The following PRKN variants were observed in gnomAD, a reference collection of about 807,000 sequenced individuals.
The protein encoded by PRKN is parkin RBR E3 ubiquitin protein ligase, also known as E3 ubiquitin-protein ligase parkin.
In PRKN, 56 loss-of-function variants were observed where a neutral mutation model predicts 59.5. That is an observed-to-expected ratio of 0.94 (90% CI 0.76 to 1.18). The LOEUF is 1.18. PRKN is among the 50% of genes most tolerant of loss of function. PRKN has a pLI of 0.00. For synonymous variants in PRKN, 250 were observed against 222.1 expected, an observed-to-expected ratio of 1.13 and a Z score of -1.12; for missense variants, 657 against 596.4, an observed-to-expected ratio of 1.10 and a Z score of -1.06.
intron 8 of PRKN, among the ~76,000 whole-genome samples, chr6:161,569,031 T>C (rs737715): frequency 0.05 from 7,584 of 152,152 alleles, 278 homozygotes; most frequent in South Asian, 0.16. Context: ...GGAATGTCTA[T>C]GACCATCGAT....
intron 1 of PRKN, among the ~76,000 whole-genome samples, chr6:162,691,496 A>G (rs1221383416): frequency 6.6e-6 from 1 of 152,150 alleles, no homozygotes; most frequent in Non-Finnish European, 1.5e-5. Context: ...CAATATTTAT[A>G]TGTACCTCCC....
intron 1 of PRKN, among the ~76,000 whole-genome samples, chr6:162,507,780 C>T (rs1177571863): frequency 6.6e-6 from 1 of 152,198 alleles, no homozygotes; most frequent in East Asian, 1.9e-4. Context: ...AAGATCACCT[C>T]TATCTACTTT....
chr6:161,866,594 A>C (rs1330239294), intron 6 of PRKN, among the ~76,000 whole-genome samples: 1 of 152,138 alleles, frequency 6.6e-6, no homozygotes, highest in East Asian at 1.9e-4. Context: ...AAGAAAAGAA[A>C]AGAAAATTAC....
chr6:162,369,825 CA>C (rs1341396701), intron 2 of PRKN, among the ~76,000 whole-genome samples: 1 of 152,056 alleles, frequency 6.6e-6, no homozygotes, highest in African/African-American at 2.4e-5. Flanking sequence ...TTTTGCATAG[CA>C]CTAAGGATGG....
intron 2 of PRKN, among the ~76,000 whole-genome samples, chr6:162,300,433 A>T (rs952900437): frequency 6.6e-6 from 1 of 152,160 alleles, no homozygotes; most frequent in African/African-American, 2.4e-5. Context: ...AAAAGAGAAG[A>T]TCATGCAAAA....
intron 6 of PRKN, among the ~76,000 whole-genome samples, chr6:161,940,217 T>C (rs1296530268): frequency 6.6e-6 from 1 of 151,762 alleles, no homozygotes; most frequent in African/African-American, 2.4e-5. Context: ...TCTTAGGCCA[T>C]GCTTGCTGAA....
At chr6:162,708,290 AG>A (rs1778406859) in intron 1 of PRKN, among the ~76,000 whole-genome samples, 1 of 152,240 alleles carries the variant, frequency 6.6e-6, no homozygotes, top group Admixed American at 6.5e-5. Flanking sequence ...CATATATGCT[AG>A]GAACTTACAG....
intron 2 of PRKN, among the ~76,000 whole-genome samples, chr6:162,402,704 G>A (rs1787860218): frequency 6.6e-6 from 1 of 150,674 alleles, no homozygotes; most frequent in Non-Finnish European, 1.5e-5. Context: ...TGCACAAGCT[G>A]GAGTACAGTG....
At chr6:162,334,218 A>G (rs1783724984) in intron 2 of PRKN, among the ~76,000 whole-genome samples, 2 of 152,372 alleles carry the variant, frequency 1.3e-5, no homozygotes, top group East Asian at 3.9e-4. Context: ...GCATCTAGCT[A>G]AGATTGGATA....
chr6:161,596,492 G>T (rs909394551), intron 7 of PRKN, among the ~76,000 whole-genome samples: 2 of 151,966 alleles, frequency 1.3e-5, no homozygotes, highest in African/African-American at 4.8e-5. Flanking sequence ...TTCCAACTTT[G>T]GTTTGCTATT....
chr6:161,369,349 C>T lies in PRKN; in HGVS notation c.1168-9144G>A, dbSNP rs1390503586. Among the ~76,000 whole-genome samples the T allele has an allele frequency of 6.6e-6, 1 of 152,082 alleles. No homozygotes were observed. Among genetic ancestry groups the T allele is most frequent in the African/African-American group, 2.4e-5 (1 of 41,418 alleles). The stretch of plus-strand genomic sequence containing the variant: ...AGAAATTAGAATCCCTAAAAATGCC[C>T]TAAGGGGTTGCGAGGGGCGGGAGGT... On this transcript the variant is annotated intron_variant, in intron 10 of 11. Coordinates refer to ENST00000366898, the MANE Select transcript of PRKN (RefSeq NM_004562.3). The surrounding 1 kb of genome is among the most constrained non-coding windows in gnomAD (Gnocchi z 5.8).
At chr6:162,021,197 A>T (rs1189769151) in intron 5 of PRKN, among the ~76,000 whole-genome samples, 2 of 111,380 alleles carry the variant, frequency 1.8e-5, no homozygotes, top group African/African-American at 3.1e-5. Flanking sequence ...TATATATATA[A>T]TATATATAAT....
intron 9 of PRKN, among the ~76,000 whole-genome samples, chr6:161,430,132 A>C (rs4263565): frequency 0.76 from 116,129 of 152,102 alleles, 44,556 homozygotes; most frequent in East Asian, 0.94. Flanking sequence ...CGTGAGCAGG[A>C]CTGCCATTGT....
chr6:161,386,667 T>G lies in PRKN; in HGVS notation c.1167+127A>C, dbSNP rs1478823028. 10 of 796,182 alleles carry G rather than the reference T, an allele frequency of 1.3e-5. No individual in the cohort carries two copies. The highest frequency in any genetic ancestry group is 1.9e-5 in the Admixed American group (1 of 53,248). 49.3% of individuals were successfully genotyped at this position (796,182 alleles called of 1,614,324 possible). A position where few individuals can be genotyped will look rare whatever the true frequency, so the allele number is the denominator to read the frequency against. On this transcript the variant is annotated intron_variant, in intron 10 of 11. Transcript: ENST00000366898. The surrounding 1 kb of genome is among the most constrained non-coding windows in gnomAD (Gnocchi z 4.3). ...GGGAGAAGCCACGGCCCCATTCCCA[T>G]GGCTGTCAGCTACCAGTCTGCTTCT...
At chr6:162,556,025 T>C (rs1194616624) in intron 1 of PRKN, among the ~76,000 whole-genome samples, 1 of 141,832 alleles carries the variant, frequency 7.1e-6, no homozygotes, top group Non-Finnish European at 1.5e-5. Context: ...AGAACATAAC[T>C]TGATTGAGTG....
intron 5 of PRKN, among the ~76,000 whole-genome samples, chr6:162,009,917 C>T (rs1782419231): frequency 6.6e-6 from 1 of 151,522 alleles, no homozygotes; most frequent in South Asian, 2.1e-4. Context: ...GCCTGGGTGA[C>T]AGAGCAAGAC....
chr6:161,388,152 TC>T lies in PRKN; in HGVS notation c.1084-1276del, dbSNP rs1423583560. ...GGAACACACCAGACTGGAGTCATCA[TC>T]CCATCCCCTGCCACCTGAAACACCT... is the stretch of plus-strand genomic sequence containing the variant. On this transcript the variant is annotated intron_variant, in intron 9 of 11. Transcript: ENST00000366898. This position sits in a 1 kb window ranked among gnomAD's most constrained non-coding sequence, Gnocchi z 4.3. Among the ~76,000 whole-genome samples, 1 of 152,166 alleles carries T rather than the reference TC, an allele frequency of 6.6e-6. No individual in the cohort carries two copies. The highest frequency in any genetic ancestry group is 1.5e-5 in the Non-Finnish European group (1 of 68,030).
At chr6:162,711,711 A>G (rs1169384400) in intron 1 of PRKN, among the ~76,000 whole-genome samples, 2 of 152,212 alleles carry the variant, frequency 1.3e-5, no homozygotes, top group East Asian at 3.8e-4. Context: ...GTGTAGCAAC[A>G]AATTCCAAAC....
chr6:162,500,403 C>T (rs986537872), intron 1 of PRKN, among the ~76,000 whole-genome samples: 2 of 132,682 alleles, frequency 1.5e-5, no homozygotes, highest in Admixed American at 7.7e-5. Flanking sequence ...AACTCCCGAC[C>T]TCAGGTGATC....
Sources: gnomAD v4.1 joint callset for allele counts (sites outside exome capture counted in the v4.1 genomes callset) on GRCh38, gnomAD v4.1.1 for gene constraint, Gnocchi (gnomAD v3.1) non-coding constraint, MANE v1.5 for transcripts, NCBI Gene and HGNC (gene_info 2026-07-23, HGNC 2026-07-21) for gene names.